Variants in CFTR observed in about 807,000 individuals in gnomAD.
CFTR encodes the protein CF transmembrane conductance regulator.
A neutral mutation model predicts 171.6 loss-of-function variants in CFTR; 181 were observed. The ratio of observed to expected loss-of-function variants is 1.05; its 90% confidence interval spans 0.93 to 1.19. CFTR has a LOEUF of 1.19. CFTR is among the 50% of genes most tolerant of loss of function. The pLI, the probability that CFTR is intolerant of heterozygous loss-of-function variation, is 0.00. For missense variants in CFTR, 1,968 were observed against 1,734.7 expected, an observed-to-expected ratio of 1.13 and a Z score of -2.39; for synonymous variants, 583 against 608.0, an observed-to-expected ratio of 0.96 and a Z score of 0.60.
intron 11 of CFTR, among the ~76,000 whole-genome samples, chr7:117,578,572 C>T (rs564209580): frequency 1.3e-5 from 2 of 151,970 alleles, no homozygotes; most frequent in East Asian, 1.9e-4. Context: ...TGTCCAAGGG[C>T]GTTGTCCAAG....
At chr7:117,620,875 G>A (rs1792564931) in intron 21 of CFTR, among the ~76,000 whole-genome samples, 1 of 152,144 alleles carries the variant, frequency 6.6e-6, no homozygotes, top group South Asian at 2.1e-4. Flanking sequence ...GAGAGCCTGG[G>A]GCAGGTGGAT....
At chr7:117,518,892 A>G (rs1798642259) in intron 3 of CFTR, among the ~76,000 whole-genome samples, 1 of 152,300 alleles carries the variant, frequency 6.6e-6, no homozygotes, top group Middle Eastern at 3.4e-3. Context: ...AATGGCAGCT[A>G]GATTCTAGTA....
At chr7:117,510,728 A>G (rs373206989) in intron 3 of CFTR, among the ~76,000 whole-genome samples, 2 of 152,348 alleles carry the variant, frequency 1.3e-5, no homozygotes, top group East Asian at 3.9e-4. Context: ...TTTGTATGAT[A>G]CATGGACATA....
At chr7:117,509,958 A>C (rs1329299219) in intron 3 of CFTR, among the ~76,000 whole-genome samples, 1 of 152,118 alleles carries the variant, frequency 6.6e-6, no homozygotes, top group Non-Finnish European at 1.5e-5. Context: ...TCAGGGAGTT[A>C]AACAGTGTCT....
chr7:117,651,015 C>A (rs1159306120), intron 23 of CFTR, among the ~76,000 whole-genome samples: 4 of 152,158 alleles, frequency 2.6e-5, no homozygotes, highest in African/African-American at 9.7e-5. Flanking sequence ...AGTCACTTAC[C>A]TTCTCCAACC....
chr7:117,503,549 G>C (rs1035517150), intron 1 of CFTR, among the ~76,000 whole-genome samples: 6 of 151,838 alleles, frequency 4.0e-5, no homozygotes, highest in African/African-American at 1.5e-4. Flanking sequence ...AAATCACTAC[G>C]GTATCCTGCA....
At chr7:117,620,723 C>G (rs1004872376) in intron 21 of CFTR, among the ~76,000 whole-genome samples, 9 of 152,188 alleles carry the variant, frequency 5.9e-5, no homozygotes, top group African/African-American at 2.2e-4. Flanking sequence ...CATCATTTTA[C>G]TTCCAGGGTT....
intron 23 of CFTR, among the ~76,000 whole-genome samples, chr7:117,650,558 G>A (rs920278930): frequency 2.6e-5 from 4 of 152,108 alleles, no homozygotes; most frequent in Admixed American, 6.6e-5. Flanking sequence ...CAGTGTTGAT[G>A]CCGTAACATC....
At chr7:117,659,460 T>C (rs898974348) in intron 24 of CFTR, among the ~76,000 whole-genome samples, 7 of 152,212 alleles carry the variant, frequency 4.6e-5, no homozygotes, top group African/African-American at 1.7e-4. Context: ...AAGGAGTTCT[T>C]TCATTTCATA....
At chr7:117,606,186 A>G (rs1159889623) in intron 17 of CFTR, among the ~76,000 whole-genome samples, 1 of 152,144 alleles carries the variant, frequency 6.6e-6, no homozygotes, top group Admixed American at 6.6e-5. Flanking sequence ...AAAGGAGGAC[A>G]AGACAGTGGG....
rs1436007626 is a variant in CFTR, at chr7:117,588,385, A to G, written c.1679+552A>G. ...GAAACACTCTTGGTCCAAGCATTTT[A>G]AAGCTGTCAAAGAGATGTAAATATA... On this transcript the variant is annotated intron_variant, in intron 12 of 26. Coordinates refer to ENST00000003084, the MANE Select transcript of CFTR (RefSeq NM_000492.4). Among the ~76,000 whole-genome samples the G allele has an allele frequency of 2.6e-5, 4 of 152,264 alleles. No homozygotes were observed. The East Asian group carries it at 7.7e-4, about 29-fold the overall frequency.
chr7:117,665,565 G>A lies in CFTR; in HGVS notation c.4242+1G>A, dbSNP rs372227120. 6.3e-7 allele frequency: 1 copy of A among 1,589,542 alleles called. No individual in the cohort carries two copies. The highest frequency in any genetic ancestry group is 1.1e-5 in the South Asian group (1 of 90,576). On this transcript the variant is annotated splice_donor_variant, in intron 26 of 26. Transcript: ENST00000003084. LOFTEE classifies it high-confidence loss of function. ...AATGCTGGAATGCCAACAATTTTTG[G>A]TGAGTCTTTATAACTTTACTTAAGA...
At position 117,559,564 on chromosome 7, in the gene CFTR, T is replaced by C. The variant is rs1282142297; in HGVS notation, c.1493T>C (p.Met498Thr). ...ISFCSQFSWI[M>T]PGTIKENIIF... ...TTCTGTTCTCAGTTTTCCTGGATTA[T>C]GCCTGGCACCATTAAAGAAAATATC... Residue 498 changes from methionine (M) to threonine (T), a missense_variant, in exon 11 of 27, where the codon ATG becomes ACG. Coordinates refer to ENST00000003084, the MANE Select transcript of CFTR (RefSeq NM_000492.4). 2 of 1,612,638 alleles carry C rather than the reference T, an allele frequency of 1.2e-6. No homozygotes were observed. Among genetic ancestry groups the C allele is most frequent in the Admixed American group, 1.7e-5 (1 of 60,022 alleles).
intron 11 of CFTR, among the ~76,000 whole-genome samples, chr7:117,576,136 T>G (rs1431652069): frequency 6.6e-6 from 1 of 152,140 alleles, no homozygotes; most frequent in Non-Finnish European, 1.5e-5. Flanking sequence ...CAAGATAATT[T>G]TTTAGTAGTC....
chr7:117,508,174 T>C (rs1798453473), intron 2 of CFTR, among the ~76,000 whole-genome samples: 1 of 152,248 alleles, frequency 6.6e-6, no homozygotes, highest in African/African-American at 2.4e-5. Flanking sequence ...GTCTAATTGT[T>C]TACCTAGTTC....
chr7:117,549,443 A>C (rs928988823), intron 10 of CFTR, among the ~76,000 whole-genome samples: 15 of 152,206 alleles, frequency 9.9e-5, no homozygotes, highest in Admixed American at 9.8e-4. Context: ...AAAAAACAGC[A>C]AAAGGACCAA....
Position 117,587,774 on chromosome 7 carries a change from T to C in CFTR, c.1620T>C (p.Val540=), listed in dbSNP as rs1791965009. ...ISKFAEKDNI[V]LGEGGITLSG... is the part of the protein sequence containing the mutation. ...AGTTTGCAGAGAAAGACAATATAGTTCTTGGAGAAGGTGGAATCACACTGA... is the reference window on the plus strand; with the variant it reads ...AGTTTGCAGAGAAAGACAATATAGTCCTTGGAGAAGGTGGAATCACACTGA... The change falls in exon 12 of 27, where the codon GTT becomes GTC. Residue 540 remains valine (V), a synonymous_variant. Transcript: ENST00000003084. 1 of 1,612,066 alleles carries C rather than the reference T, an allele frequency of 6.2e-7. No homozygotes were observed. The highest frequency in any genetic ancestry group is 1.1e-5 in the South Asian group (1 of 91,054).
intron 7 of CFTR, 124 bp downstream of exon 7, chr7:117,536,797 A>G (rs1584787864): frequency 1.2e-6 from 1 of 839,618 alleles, no homozygotes; most frequent in East Asian, 2.7e-5. Flanking sequence ...ATTGCATTTA[A>G]GTTCTGTCAA....
chr7:117,606,720 C>A lies in CFTR; in HGVS notation c.2955C>A (p.Asp985Glu), dbSNP rs755691985. 1.4e-5 allele frequency: 23 copies of A among 1,591,348 alleles called. No individual in the cohort carries two copies. The highest frequency in any genetic ancestry group is 1.9e-5 in the Non-Finnish European group (22 of 1,159,740). Residue 985 changes from aspartate (D) to glutamate (E), a missense_variant, in exon 18 of 27, where the codon GAC becomes GAA. Transcript: ENST00000003084. ...CCAAAGATATAGCAATTTTGGATGA[C>A]CTTCTGCCTCTTACCATATTTGACT... ...RFSKDIAILD[D>E]LLPLTIFDFI...
Sources: gnomAD v4.1 joint callset for allele counts (sites outside exome capture counted in the v4.1 genomes callset) on GRCh38, gnomAD v4.1.1 for gene constraint, MANE v1.5 for transcripts, NCBI Gene and HGNC (gene_info 2026-07-23, HGNC 2026-07-21) for gene names.